Variants in TMEM114 observed in about 807,000 individuals in gnomAD.
The protein encoded by TMEM114 is transmembrane protein 114.
A neutral mutation model predicts 6.2 loss-of-function variants in TMEM114; 6 were observed. That is an observed-to-expected ratio of 0.97 (90% confidence interval 0.53 to 1.91). The LOEUF (loss-of-function observed/expected upper bound fraction) is 1.91, where lower values mean the gene tolerates loss of function less well. Ranked by LOEUF, TMEM114 falls within the 40% of genes most tolerant of loss-of-function variation. TMEM114 has a pLI of 0.01. For synonymous variants in TMEM114, 104 were observed against 73.0 expected (o/e 1.42, Z -2.16); for missense variants, 218 against 158.3 (o/e 1.38, Z -2.02).
chr16:8,558,684 C>A (rs1324874672), intron 2 of TMEM114, among the ~76,000 whole-genome samples: 1 of 152,100 alleles, frequency 6.6e-6, no homozygotes, highest in African/African-American at 2.4e-5. Flanking sequence ...TTTCACCCCA[C>A]CTCTCAGGGC....
intron 2 of TMEM114, among the ~76,000 whole-genome samples, chr16:8,553,396 A>G (rs1900905691): frequency 6.6e-6 from 1 of 152,140 alleles, no homozygotes; most frequent in African/African-American, 2.4e-5. Flanking sequence ...AGATTCAAGG[A>G]CTTGAATCTT....
At chr16:8,530,930 C>G in the TMEM114 span, among the ~76,000 whole-genome samples, 1 of 151,978 alleles carries the variant, frequency 6.6e-6, no homozygotes, top group Non-Finnish European at 1.5e-5. Context: ...TAGGCTGAGG[C>G]AAGAGAATGG....
At chr16:8,587,093 A>G (rs1902344142) in intron 2 of TMEM114, among the ~76,000 whole-genome samples, 1 of 152,162 alleles carries the variant, frequency 6.6e-6, no homozygotes, top group Non-Finnish European at 1.5e-5. Flanking sequence ...TGCACCACAG[A>G]AATAGGCAAA....
chr16:8,586,701 G>T (rs879527064), intron 2 of TMEM114, among the ~76,000 whole-genome samples: 1 of 151,936 alleles, frequency 6.6e-6, no homozygotes, highest in Non-Finnish European at 1.5e-5. Context: ...GTAGAGATGG[G>T]GTTTCACCAT....
the TMEM114 span, among the ~76,000 whole-genome samples, chr16:8,527,523 G>C: frequency 6.9e-6 from 1 of 145,040 alleles, no homozygotes. Flanking sequence ...ACCCAAGCAA[G>C]ATTTCTAGTC....
intron 2 of TMEM114, among the ~76,000 whole-genome samples, chr16:8,556,990 A>G (rs1183234030): frequency 6.6e-6 from 1 of 152,162 alleles, no homozygotes. Flanking sequence ...GCTGGGGACC[A>G]GAGCTGGAGG....
intron 2 of TMEM114, among the ~76,000 whole-genome samples, chr16:8,561,465 T>A (rs567768382): frequency 6.6e-6 from 1 of 152,222 alleles, no homozygotes; most frequent in Admixed American, 6.5e-5. Flanking sequence ...TACACACACA[T>A]GCACAGACCC....
At chr16:8,587,764 G>A (rs960810424) in intron 2 of TMEM114, among the ~76,000 whole-genome samples, 1 of 152,184 alleles carries the variant, frequency 6.6e-6, no homozygotes, top group African/African-American at 2.4e-5. Flanking sequence ...GATTGCTTGA[G>A]CTTAGGAGTT....
chr16:8,568,984 G>C, downstream of TMEM114, among the ~76,000 whole-genome samples: 1 of 152,348 alleles, frequency 6.6e-6, no homozygotes, highest in East Asian at 1.9e-4. Context: ...TCGCCTGGAA[G>C]CCACTTAGAA....
At chr16:8,576,213 A>G (rs1339623153) in intron 2 of TMEM114, among the ~76,000 whole-genome samples, 1 of 152,188 alleles carries the variant, frequency 6.6e-6, no homozygotes, top group African/African-American at 2.4e-5. Flanking sequence ...TCTCAATCAC[A>G]GCCAGTCTGC....
chr16:8,551,199 T>C (rs1900833134), intron 2 of TMEM114, among the ~76,000 whole-genome samples: 1 of 152,194 alleles, frequency 6.6e-6, no homozygotes, highest in South Asian at 2.1e-4. Flanking sequence ...AACAAGACTC[T>C]GGCCAAAACA....
chr16:8,573,957 G>A (rs547138203), intron 2 of TMEM114, among the ~76,000 whole-genome samples: 2 of 152,322 alleles, frequency 1.3e-5, no homozygotes, highest in South Asian at 4.1e-4. Context: ...TCTGGGACAT[G>A]GTAAGTGCTG....
intron 2 of TMEM114, among the ~76,000 whole-genome samples, chr16:8,557,632 G>A (rs1481746986): frequency 6.6e-6 from 1 of 152,196 alleles, no homozygotes; most frequent in Non-Finnish European, 1.5e-5. Flanking sequence ...GAACACAGGT[G>A]CTGGTCAGCA....
At chr16:8,558,646 C>A (rs1340566704) in intron 2 of TMEM114, among the ~76,000 whole-genome samples, 1 of 152,176 alleles carries the variant, frequency 6.6e-6, no homozygotes, top group Non-Finnish European at 1.5e-5. Flanking sequence ...CCTATTTAGG[C>A]AAGCAACTAC....
At chr16:8,529,867 C>A in the TMEM114 span, among the ~76,000 whole-genome samples, 4 of 152,136 alleles carry the variant, frequency 2.6e-5, no homozygotes, top group African/African-American at 9.7e-5. Flanking sequence ...AGGTTGACCA[C>A]CACTAAGCTA....
intron 2 of TMEM114, among the ~76,000 whole-genome samples, chr16:8,548,591 C>A (rs1337583728): frequency 2.0e-5 from 3 of 151,894 alleles, no homozygotes; most frequent in East Asian, 1.9e-4. Flanking sequence ...GTATCCTAGA[C>A]CTTTTTCACC....
the TMEM114 span, chr16:8,526,645 C>A: frequency 6.6e-6 from 1 of 152,530 alleles, no homozygotes; most frequent in South Asian, 2.0e-4. Flanking sequence ...TGAGGGCTCC[C>A]CAGAAGCAGA....
intron 2 of TMEM114, among the ~76,000 whole-genome samples, chr16:8,544,136 C>T (rs1900592966): frequency 6.6e-6 from 1 of 152,054 alleles, no homozygotes; most frequent in Non-Finnish European, 1.5e-5. Context: ...TTCTGTTTCC[C>T]ATTTACTGAC....
At chr16:8,560,928 C>G (rs1901177730) in intron 2 of TMEM114, among the ~76,000 whole-genome samples, 1 of 152,128 alleles carries the variant, frequency 6.6e-6, no homozygotes, top group Non-Finnish European at 1.5e-5. Context: ...CTGGGGAGGC[C>G]TCACAATCAT....
Sources: gnomAD v4.1 joint callset for allele counts (sites outside exome capture counted in the v4.1 genomes callset) on GRCh38, gnomAD v4.1.1 for gene constraint, MANE v1.5 for transcripts, NCBI Gene and HGNC (gene_info 2026-07-23, HGNC 2026-07-21) for gene names.